Variants in NHSL1 observed in about 807,000 individuals in gnomAD.
NHSL1 encodes NHS-like protein 1.
A neutral mutation model predicts 95.0 loss-of-function variants in NHSL1; 48 were observed. That is an observed-to-expected ratio of 0.51 (90% CI 0.40 to 0.64). The LOEUF is 0.64. NHSL1 is among the 30% of genes least tolerant of loss of function. The pLI is 0.00. For missense variants in NHSL1, 1,971 were observed against 2,077.7 expected (o/e 0.95, Z 1.00); for synonymous variants, 783 against 833.9 (o/e 0.94, Z 1.05).
intron 1 of NHSL1, among the ~76,000 whole-genome samples, chr6:138,616,519 G>A (rs989356599): frequency 1.3e-5 from 2 of 151,864 alleles, no homozygotes; most frequent in African/African-American, 4.8e-5. Flanking sequence ...GAACAAGGGG[G>A]CAGGCAGAGA....
intron 1 of NHSL1, among the ~76,000 whole-genome samples, chr6:138,603,187 G>A (rs1050673167): frequency 6.6e-6 from 1 of 152,004 alleles, no homozygotes; most frequent in Non-Finnish European, 1.5e-5. Flanking sequence ...TACCATTTGA[G>A]GATTCTGAGG....
intron 1 of NHSL1, among the ~76,000 whole-genome samples, chr6:138,627,608 T>G (rs6925955): frequency 0.32 from 48,552 of 152,054 alleles, 8,231 homozygotes; most frequent in African/African-American, 0.43. Context: ...TTATGGCCAG[T>G]CGCGGTGGCT....
At chr6:138,679,982 G>A (rs1321309205) in intron 1 of NHSL1, among the ~76,000 whole-genome samples, 2 of 152,022 alleles carry the variant, frequency 1.3e-5, no homozygotes, top group Admixed American at 6.6e-5. Context: ...TACTCTCTAG[G>A]TTATGATTTT....
intron 1 of NHSL1, among the ~76,000 whole-genome samples, chr6:138,541,192 C>A (rs1435406613): frequency 6.6e-6 from 1 of 151,938 alleles, no homozygotes; most frequent in Non-Finnish European, 1.5e-5. Context: ...CATGGTGAAA[C>A]CTCATCTCTA....
chr6:138,680,345 A>C (rs144400594), intron 1 of NHSL1, among the ~76,000 whole-genome samples: 7 of 152,322 alleles, frequency 4.6e-5, no homozygotes, highest in African/African-American at 1.7e-4. Context: ...CACCGCAGTC[A>C]GGTTGTTAAA....
intron 1 of NHSL1, among the ~76,000 whole-genome samples, chr6:138,646,144 A>G (rs1254479954): frequency 6.6e-6 from 1 of 152,228 alleles, no homozygotes; most frequent in Non-Finnish European, 1.5e-5. Flanking sequence ...TTACTCAAGC[A>G]TCTTCCAACT....
At chr6:138,455,478 ACATGCTCCCTGCAAGGAGCCCCG>A (rs1777529685) in intron 3 of NHSL1, among the ~76,000 whole-genome samples, 1 of 25,554 alleles carries the variant, frequency 3.9e-5, no homozygotes, top group Non-Finnish European at 1.6e-4. Flanking sequence ...CCCCGCCTTC[ACATGCTCCCTGCAAGGAGCCCCG>A]CCTTCACATG....
chr6:138,498,785 C>A (rs1780506855), intron 1 of NHSL1, among the ~76,000 whole-genome samples: 2 of 152,176 alleles, frequency 1.3e-5, no homozygotes, highest in Non-Finnish European at 2.9e-5. Context: ...ATTATCTCCA[C>A]CAGAAATATG....
intron 3 of NHSL1, among the ~76,000 whole-genome samples, chr6:138,462,792 G>A (rs1458739732): frequency 6.6e-6 from 1 of 152,212 alleles, no homozygotes; most frequent in East Asian, 1.9e-4. Flanking sequence ...AGGCTTTAGT[G>A]CAAAGCAGGG....
intron 1 of NHSL1, among the ~76,000 whole-genome samples, chr6:138,671,545 G>A (rs1157393095): frequency 1.3e-5 from 2 of 151,968 alleles, no homozygotes; most frequent in African/African-American, 2.4e-5. Flanking sequence ...GAAGAGAAAG[G>A]AAGTCTCTAG....
chr6:138,568,092 A>C (rs1783687250), intron 1 of NHSL1, among the ~76,000 whole-genome samples: 1 of 152,238 alleles, frequency 6.6e-6, no homozygotes, highest in African/African-American at 2.4e-5. Context: ...GACCTTCCAC[A>C]GTGCTGGAAA....
At chr6:138,573,117 C>A (rs1311498824), upstream of NHSL1, among the ~76,000 whole-genome samples, 1 of 152,182 alleles carries the variant, frequency 6.6e-6, no homozygotes, top group Non-Finnish European at 1.5e-5. Context: ...TCCTCTCCAA[C>A]CTTGAATGAT....
chr6:138,504,618 C>G (rs545170829), intron 1 of NHSL1, among the ~76,000 whole-genome samples: 1 of 152,098 alleles, frequency 6.6e-6, no homozygotes, highest in Non-Finnish European at 1.5e-5. Context: ...AGGGCAGGCC[C>G]GCAGGGTCTT....
chr6:138,587,377 T>A (rs1399449810), intron 1 of NHSL1, among the ~76,000 whole-genome samples: 4 of 149,224 alleles, frequency 2.7e-5, no homozygotes, highest in Non-Finnish European at 5.9e-5. Context: ...AGGTCAGGAG[T>A]TCGAGACCAG....
intron 3 of NHSL1, among the ~76,000 whole-genome samples, chr6:138,454,529 C>T (rs1315751173): frequency 1.3e-5 from 2 of 151,882 alleles, no homozygotes; most frequent in East Asian, 1.9e-4. Context: ...GCTCTAGAGT[C>T]GTAAGTCTAG....
chr6:138,587,319 C>T (rs1784152206), intron 1 of NHSL1, among the ~76,000 whole-genome samples: 1 of 151,568 alleles, frequency 6.6e-6, no homozygotes. Context: ...CAGTGGCTCA[C>T]ACCTGTAATC....
intron 2 of NHSL1, among the ~76,000 whole-genome samples, chr6:138,481,534 C>T (rs937687938): frequency 1.3e-5 from 2 of 152,136 alleles, no homozygotes; most frequent in Non-Finnish European, 2.9e-5. Flanking sequence ...ACATTTAAGT[C>T]ACTCAGTTGT....
At chr6:138,449,932 T>C (rs1417329026) in intron 3 of NHSL1, among the ~76,000 whole-genome samples, 1 of 152,232 alleles carries the variant, frequency 6.6e-6, no homozygotes, top group African/African-American at 2.4e-5. Context: ...AATGTTTTAA[T>C]TAAATTGACA....
intron 1 of NHSL1, among the ~76,000 whole-genome samples, chr6:138,659,557 T>C (rs9495187): frequency 0.096 from 14,636 of 152,076 alleles, 872 homozygotes; most frequent in African/African-American, 0.17. Context: ...TAACACCTAA[T>C]AGTTGACTCT....
Sources: allele counts gnomAD v4.1 joint callset (sites outside exome capture counted in the v4.1 genomes callset), GRCh38; gene constraint gnomAD v4.1.1; transcripts MANE v1.5; gene names NCBI Gene and HGNC (gene_info 2026-07-23, HGNC 2026-07-21).